PCSK2: variants seen among roughly 807,000 people sequenced by gnomAD.
PCSK2 encodes the protein neuroendocrine convertase 2.
In PCSK2, 14 loss-of-function variants were observed where a neutral mutation model predicts 69.7. That is an observed-to-expected ratio of 0.20 (90% confidence interval 0.13 to 0.31). The LOEUF (loss-of-function observed/expected upper bound fraction) is 0.31, where lower values mean the gene tolerates loss of function less well. Among genes scored for constraint, PCSK2 ranks in the 10% least tolerant of loss-of-function variants. PCSK2 has a pLI of 1.00. For synonymous variants in PCSK2, 307 were observed against 320.7 expected, an observed-to-expected ratio of 0.96 and a Z score of 0.46; for missense variants, 544 against 842.5, an observed-to-expected ratio of 0.65 and a Z score of 4.39.
intron 11 of PCSK2, among the ~76,000 whole-genome samples, chr20:17,473,048 C>T (rs6080706): frequency 6.7e-6 from 1 of 148,564 alleles, no homozygotes; most frequent in Non-Finnish European, 1.5e-5. Context: ...TGGAACACTA[C>T]GATTTTGCAT....
At chr20:17,316,762 T>A (rs1490125276) in intron 2 of PCSK2, among the ~76,000 whole-genome samples, 2 of 152,196 alleles carry the variant, frequency 1.3e-5, no homozygotes, top group African/African-American at 2.4e-5. Flanking sequence ...GATGTTGTAG[T>A]TGTGAAATGT....
chr20:17,262,628 T>C, intron 2 of PCSK2, among the ~76,000 whole-genome samples: 1 of 152,150 alleles, frequency 6.6e-6, no homozygotes. Context: ...CTATGAACAG[T>C]GCAAAGATAG....
chr20:17,270,618 A>G (rs1280722010), intron 2 of PCSK2, among the ~76,000 whole-genome samples: 1 of 152,130 alleles, frequency 6.6e-6, no homozygotes, highest in East Asian at 1.9e-4. Flanking sequence ...GGTAAGACAA[A>G]ATAGTTTTCC....
chr20:17,247,513 G>A (rs560077612), intron 1 of PCSK2, among the ~76,000 whole-genome samples: 5 of 152,134 alleles, frequency 3.3e-5, no homozygotes, highest in Non-Finnish European at 5.9e-5. Context: ...ACTAGATCCC[G>A]ACTAAGCCTG....
chr20:17,274,520 A>T (rs1197065836), intron 2 of PCSK2, among the ~76,000 whole-genome samples: 1 of 152,128 alleles, frequency 6.6e-6, no homozygotes, highest in Non-Finnish European at 1.5e-5. Context: ...AAGCTAAAGA[A>T]TTGTGATTAC....
chr20:17,341,863 T>C (rs963090585), intron 2 of PCSK2, among the ~76,000 whole-genome samples: 2 of 152,202 alleles, frequency 1.3e-5, no homozygotes, highest in Non-Finnish European at 2.9e-5. Context: ...TTTTCCACAG[T>C]GTTCCATGAA....
At chr20:17,302,896 T>A (rs1035910857) in intron 2 of PCSK2, among the ~76,000 whole-genome samples, 2 of 152,202 alleles carry the variant, frequency 1.3e-5, no homozygotes, top group African/African-American at 4.8e-5. Flanking sequence ...TTCCTTGTTT[T>A]TGAACATGGA....
intron 11 of PCSK2, among the ~76,000 whole-genome samples, chr20:17,468,711 C>G (rs1245793964): frequency 1.3e-5 from 2 of 150,044 alleles, no homozygotes; most frequent in Non-Finnish European, 3.0e-5. Flanking sequence ...GGTCAGCACC[C>G]TCCATGGGCC....
At chr20:17,347,594 T>A (rs1990682938) in intron 2 of PCSK2, among the ~76,000 whole-genome samples, 1 of 152,008 alleles carries the variant, frequency 6.6e-6, no homozygotes, top group South Asian at 2.1e-4. Flanking sequence ...AACCCTCATG[T>A]AAACCATGGA....
intron 2 of PCSK2, among the ~76,000 whole-genome samples, chr20:17,299,079 T>A (rs942806165): frequency 6.6e-6 from 1 of 152,216 alleles, no homozygotes; most frequent in Non-Finnish European, 1.5e-5. Context: ...TTTAAAAGTT[T>A]ATTTTTTTAA....
intron 6 of PCSK2, 87 bp from the exon 7 acceptor site, chr20:17,429,344 ATTTT>A: frequency 1.1e-6 from 1 of 907,480 alleles, no homozygotes; most frequent in East Asian, 2.4e-5. Context: ...CGCAGATTTC[ATTTT>A]TGTTCCAAAG....
At chr20:17,449,536 A>ATATATATATGTATG (rs1456677629) in intron 8 of PCSK2, among the ~76,000 whole-genome samples, 62 of 148,382 alleles carry the variant, frequency 4.2e-4, no homozygotes, top group African/African-American at 1.2e-3. Flanking sequence ...GTATATATAT[A>ATATATATATGTATG]TATGTATATT....
intron 2 of PCSK2, among the ~76,000 whole-genome samples, chr20:17,357,721 CCT>C (rs1346412637): frequency 6.6e-6 from 1 of 151,904 alleles, no homozygotes; most frequent in Non-Finnish European, 1.5e-5. Context: ...ATGGAGAAGC[CCT>C]GTCTCTACTA....
chr20:17,234,225 T>C (rs1187583243), intron 1 of PCSK2, among the ~76,000 whole-genome samples: 4 of 152,176 alleles, frequency 2.6e-5, no homozygotes, highest in Middle Eastern at 3.2e-3. Context: ...TTTCACAATA[T>C]ACTACCAAAC....
rs750136016 is a variant in PCSK2, at chr20:17,429,516, G to A, written c.702G>A (p.Lys234=). The A allele has an allele frequency of 3.1e-6, 5 of 1,610,630 alleles. No individual in the cohort carries two copies. The highest frequency in any genetic ancestry group is 2.2e-5 in the South Asian group (2 of 90,838). Residue 234 remains lysine (K), a synonymous_variant, in exon 7 of 12, where the codon AAG becomes AAA. Transcript: ENST00000262545. ...ICGVGVAYNS[K]VAGIRMLDQP... is the part of the protein sequence containing the mutation. Reference sequence around the variant, plus strand: ...GAGTTGGAGTAGCATACAACTCCAAGGTTGCAGGTAAGCCATCCCTGCCAA... The same window carrying A: ...GAGTTGGAGTAGCATACAACTCCAAAGTTGCAGGTAAGCCATCCCTGCCAA...
chr20:17,265,007 G>A (rs1267084905), intron 2 of PCSK2, among the ~76,000 whole-genome samples: 2 of 152,124 alleles, frequency 1.3e-5, no homozygotes, highest in African/African-American at 2.4e-5. Flanking sequence ...GGGATTATAG[G>A]TGCGTGACAC....
At chr20:17,424,842 TGGC>T (rs1451306708) in intron 6 of PCSK2, among the ~76,000 whole-genome samples, 1 of 152,054 alleles carries the variant, frequency 6.6e-6, no homozygotes, top group African/African-American at 2.4e-5. Context: ...TGGAGTGCAG[TGGC>T]GTAATCTTGG....
intron 2 of PCSK2, among the ~76,000 whole-genome samples, chr20:17,326,102 C>G (rs571368450): frequency 6.6e-6 from 1 of 152,366 alleles, no homozygotes; most frequent in Non-Finnish European, 1.5e-5. Context: ...TCAACATGAT[C>G]AAGTCCAAAG....
chr20:17,342,930 A>G (rs1990549117), intron 2 of PCSK2, among the ~76,000 whole-genome samples: 1 of 152,116 alleles, frequency 6.6e-6, no homozygotes. Context: ...TGCTGGGACT[A>G]CAGGCATAAG....
Sources: allele counts gnomAD v4.1 joint callset (sites outside exome capture counted in the v4.1 genomes callset), GRCh38; gene constraint gnomAD v4.1.1; transcripts MANE v1.5; gene names NCBI Gene and HGNC (gene_info 2026-07-23, HGNC 2026-07-21).